The following TRPM3 variants were observed in gnomAD, a reference collection of about 807,000 sequenced individuals.
TRPM3 encodes the protein long transient receptor potential channel 3.
Under a neutral mutation model 181.2 loss-of-function variants are expected in TRPM3, and 77 were observed. The observed-to-expected ratio is 0.42, with a 90% confidence interval of 0.35 to 0.51. TRPM3 has a LOEUF of 0.51. TRPM3 is among the 20% of genes least tolerant of loss of function. The pLI is 0.01. For synonymous variants in TRPM3, 745 were observed against 796.4 expected, an observed-to-expected ratio of 0.94 and a Z score of 1.09; for missense variants, 1,759 against 2,196.7, an observed-to-expected ratio of 0.80 and a Z score of 3.98.
intron 1 of TRPM3, among the ~76,000 whole-genome samples, chr9:70,996,367 CT>C (rs2097541388): frequency 6.6e-6 from 1 of 152,190 alleles, no homozygotes; most frequent in Admixed American, 6.5e-5. Context: ...ACAATCTCCA[CT>C]TTTCCCTACT....
At position 71,052,328 on chromosome 9, in the gene TRPM3, A is replaced by G. The variant is rs74787506; in HGVS notation, c.177+68850T>C. On this transcript the variant is annotated intron_variant, in intron 1 of 25. Transcript: ENST00000677713. ...TGAAAAGAGTCTGGAAGACAGCTGTATCTTGAAAACCCACGAAGGAAGAAA... is the reference window on the plus strand; with the variant it reads ...TGAAAAGAGTCTGGAAGACAGCTGTGTCTTGAAAACCCACGAAGGAAGAAA... Among the ~76,000 whole-genome samples, 911 of 152,266 alleles carry G rather than the reference A, an allele frequency of 6.0e-3. 9 individuals carry two copies. Among genetic ancestry groups the G allele is most frequent in the African/African-American group, 0.02 (841 of 41,556 alleles).
intron 1 of TRPM3, among the ~76,000 whole-genome samples, chr9:71,323,492 A>T (rs2089426655): frequency 6.6e-6 from 1 of 152,128 alleles, no homozygotes; most frequent in African/African-American, 2.4e-5. Flanking sequence ...CCAAACTAGT[A>T]AGAATTATAC....
chr9:71,334,113 C>A (rs775924355), intron 1 of TRPM3, among the ~76,000 whole-genome samples: 11 of 151,598 alleles, frequency 7.3e-5, no homozygotes, highest in Admixed American at 1.3e-4. Context: ...GTATAACATG[C>A]CAACAGAGAT....
intron 1 of TRPM3, among the ~76,000 whole-genome samples, chr9:71,342,106 A>G (rs1488378540): frequency 6.6e-6 from 1 of 151,482 alleles, no homozygotes; most frequent in African/African-American, 2.4e-5. Flanking sequence ...TATCAAAATG[A>G]GAAAGATTAT....
intron 1 of TRPM3, among the ~76,000 whole-genome samples, chr9:71,212,698 A>C (rs2079580844): frequency 6.6e-6 from 1 of 152,202 alleles, no homozygotes; most frequent in Admixed American, 6.5e-5. Flanking sequence ...TTGAAGAAAA[A>C]CATGAATGTA....
chr9:71,043,969 T>C (rs569690238), intron 1 of TRPM3, among the ~76,000 whole-genome samples: 1 of 152,254 alleles, frequency 6.6e-6, no homozygotes, highest in East Asian at 1.9e-4. Context: ...CCCTGCTTAT[T>C]TTCTATAATT....
intron 1 of TRPM3, among the ~76,000 whole-genome samples, chr9:70,948,044 T>G (rs1349439816): frequency 6.6e-6 from 1 of 152,128 alleles, no homozygotes; most frequent in Non-Finnish European, 1.5e-5. Flanking sequence ...TAACTTGATT[T>G]TATAAAAAAA....
chr9:71,098,449 C>T (rs1433459290), intron 1 of TRPM3, among the ~76,000 whole-genome samples: 1 of 152,186 alleles, frequency 6.6e-6, no homozygotes, highest in Non-Finnish European at 1.5e-5. Flanking sequence ...TCCGGTTTAA[C>T]ATAACTACTT....
At chr9:71,409,644 C>T (rs1233612765) in intron 1 of TRPM3, among the ~76,000 whole-genome samples, 2 of 152,070 alleles carry the variant, frequency 1.3e-5, no homozygotes, top group East Asian at 1.9e-4. Context: ...CTTAGACTCC[C>T]ACACAATAAT....
intron 9 of TRPM3, among the ~76,000 whole-genome samples, chr9:70,648,405 G>T (rs1392276717): frequency 6.6e-6 from 1 of 152,124 alleles, no homozygotes; most frequent in Non-Finnish European, 1.5e-5. Flanking sequence ...GAGCCTGGGA[G>T]GTCAAGGCTG....
chr9:70,763,088 C>T (rs538754166), intron 7 of TRPM3, among the ~76,000 whole-genome samples: 3 of 152,280 alleles, frequency 2.0e-5, no homozygotes, highest in East Asian at 3.9e-4. Flanking sequence ...TATGATGGCC[C>T]TGCTTTGAGG....
At chr9:71,374,720 C>G (rs1226541064) in intron 1 of TRPM3, among the ~76,000 whole-genome samples, 2 of 152,182 alleles carry the variant, frequency 1.3e-5, no homozygotes, top group Non-Finnish European at 2.9e-5. Context: ...CCCAAAAGCT[C>G]CTTAAGCTGA....
chr9:70,914,993 A>G (rs1589742528), intron 1 of TRPM3, among the ~76,000 whole-genome samples: 1 of 152,202 alleles, frequency 6.6e-6, no homozygotes, highest in East Asian at 1.9e-4. Context: ...GGGTACAAAT[A>G]AGCCTGAACT....
chr9:70,567,313 G>A (rs2050869072), intron 22 of TRPM3, among the ~76,000 whole-genome samples: 1 of 152,252 alleles, frequency 6.6e-6, no homozygotes, highest in Admixed American at 6.5e-5. Context: ...TATTCATGAA[G>A]ACAGGAGGGT....
chr9:71,063,611 C>G (rs998935076), intron 1 of TRPM3, among the ~76,000 whole-genome samples: 1 of 152,062 alleles, frequency 6.6e-6, no homozygotes, highest in Admixed American at 6.6e-5. Context: ...GAGAGCATAG[C>G]TAATGGAGTT....
intron 1 of TRPM3, among the ~76,000 whole-genome samples, chr9:71,312,225 C>G (rs2088022507): frequency 1.3e-5 from 2 of 152,086 alleles, no homozygotes; most frequent in African/African-American, 4.8e-5. Flanking sequence ...AGTGAGAAAA[C>G]AACCCAATTA....
At chr9:71,107,296 T>G (rs1464676438) in intron 1 of TRPM3, among the ~76,000 whole-genome samples, 1 of 152,186 alleles carries the variant, frequency 6.6e-6, no homozygotes, top group African/African-American at 2.4e-5. Context: ...TTGCCTGTAC[T>G]GCACCACTGT....
At chr9:71,021,524 T>C (rs2097847286) in intron 1 of TRPM3, among the ~76,000 whole-genome samples, 2 of 152,204 alleles carry the variant, frequency 1.3e-5, no homozygotes, top group African/African-American at 4.8e-5. Flanking sequence ...CTTAGCACGC[T>C]AGGGAAATGG....
intron 20 of TRPM3, among the ~76,000 whole-genome samples, chr9:70,601,886 C>T (rs1445145740): frequency 1.3e-5 from 2 of 152,180 alleles, no homozygotes; most frequent in Non-Finnish European, 2.9e-5. Context: ...GAATATGCGT[C>T]TAGGCGTTAA....
Sources: gnomAD v4.1 joint callset for allele counts (sites outside exome capture counted in the v4.1 genomes callset) on GRCh38, gnomAD v4.1.1 for gene constraint, MANE v1.5 for transcripts, NCBI Gene and HGNC (gene_info 2026-07-23, HGNC 2026-07-21) for gene names.